The following DNAH7 variants were observed in gnomAD, a reference collection of about 807,000 sequenced individuals.
The protein encoded by DNAH7 is dynein axonemal heavy chain 7, also known as axonemal beta dynein heavy chain 7.
In DNAH7, 397 loss-of-function variants were observed where a neutral mutation model predicts 444.6. The ratio of observed to expected loss-of-function variants is 0.89; its 90% CI spans 0.82 to 0.97. DNAH7 has a LOEUF of 0.97. Ranked by LOEUF, DNAH7 falls within the 50% of genes least tolerant of loss-of-function variation. The probability of loss-of-function intolerance (pLI) is 0.00; values close to 1 mark genes in which losing one functional copy is unlikely to be tolerated. For synonymous variants in DNAH7, 1,636 were observed against 1,624.4 expected (o/e 1.01, Z -0.17); for missense variants, 4,902 against 4,800.8 (o/e 1.02, Z -0.62).
At chr2:195,844,860 T>G (rs759572985) in intron 47 of DNAH7, 142 bp downstream of exon 47, 3 of 642,374 alleles carry the variant, frequency 4.7e-6, no homozygotes, top group Non-Finnish European at 7.8e-6. Context: ...GAGAAGGAAG[T>G]GATTACTCAT....
chr2:195,926,644 T>A, intron 21 of DNAH7, 78 bp from the exon 22 acceptor site: 1 of 1,253,686 alleles, frequency 8.0e-7, no homozygotes, highest in Non-Finnish European at 1.1e-6. Flanking sequence ...TAAACTAGAT[T>A]AATTCATACT....
intron 10 of DNAH7, among the ~76,000 whole-genome samples, chr2:196,007,792 C>T (rs1694473778): frequency 6.6e-6 from 1 of 152,118 alleles, no homozygotes; most frequent in Non-Finnish European, 1.5e-5. Context: ...TGAGGCCTCC[C>T]CAGCCATGTG....
At chr2:196,052,983 C>T (rs1307062044) in intron 2 of DNAH7, among the ~76,000 whole-genome samples, 1 of 152,210 alleles carries the variant, frequency 6.6e-6, no homozygotes, top group Non-Finnish European at 1.5e-5. Context: ...ATACCTAGTC[C>T]ATAGTCGTGG....
chr2:195,856,611 G>A (rs947278568), intron 44 of DNAH7, among the ~76,000 whole-genome samples: 6 of 152,136 alleles, frequency 3.9e-5, no homozygotes, highest in African/African-American at 7.2e-5. Context: ...TCCTATGACA[G>A]TTGTTTTTTG....
rs891423606 is a variant in DNAH7 at position 195,900,605 on chromosome 2, C to T, written c.4336-111G>A. The T allele has an allele frequency of 3.0e-6, 3 of 1,006,030 alleles. No individual in the cohort carries two copies. In the African/African-American group the frequency reaches 4.8e-5, roughly 16 times the overall value. 62.3% of individuals were successfully genotyped at this position (1,006,030 alleles called of 1,614,324 possible). A position where few individuals can be genotyped will look rare whatever the true frequency, so the allele number is the denominator to read the frequency against. ...ATATGTGGAGGCTAAAAAAGTTTAT[C>T]TCATAGAAGTAGAGAGTAAAATAGT... On this transcript the variant is annotated intron_variant, in intron 27 of 64. Transcript: ENST00000312428.
intron 8 of DNAH7, among the ~76,000 whole-genome samples, chr2:196,022,558 G>C (rs1042417642): frequency 6.6e-6 from 1 of 152,208 alleles, no homozygotes; most frequent in East Asian, 1.9e-4. Flanking sequence ...CTCCTCATCT[G>C]TTCAAGTTTT....
intron 12 of DNAH7, chr2:195,998,877 A>T (rs1336777341): frequency 8.6e-6 from 4 of 467,552 alleles, no homozygotes; most frequent in Non-Finnish European, 1.5e-5. Context: ...TATAACGTAT[A>T]GCTAAGGAAA....
At chr2:196,033,139 G>A (rs1319931664) in intron 5 of DNAH7, among the ~76,000 whole-genome samples, 1 of 151,884 alleles carries the variant, frequency 6.6e-6, no homozygotes, top group African/African-American at 2.4e-5. Flanking sequence ...TTGAGCCCAC[G>A]TTGTGTTATT....
intron 10 of DNAH7, among the ~76,000 whole-genome samples, chr2:196,004,578 C>T (rs1211539076): frequency 6.6e-6 from 1 of 152,052 alleles, no homozygotes; most frequent in Non-Finnish European, 1.5e-5. Flanking sequence ...AACGAAAACA[C>T]CACATAGCAT....
intron 17 of DNAH7, among the ~76,000 whole-genome samples, chr2:195,966,624 GC>G (rs1691495985): frequency 6.6e-6 from 1 of 152,026 alleles, no homozygotes; most frequent in Non-Finnish European, 1.5e-5. Flanking sequence ...ATATATCTGG[GC>G]ACTCCAGTGT....
intron 58 of DNAH7, 117 bp from the exon 59 acceptor site, chr2:195,778,102 T>C: frequency 2.1e-6 from 2 of 936,242 alleles, no homozygotes; most frequent in Non-Finnish European, 2.9e-6. Context: ...TTAACACAAC[T>C]TCCCTTCGTA....
intron 21 of DNAH7, among the ~76,000 whole-genome samples, chr2:195,932,880 C>G (rs979056113): frequency 1.1e-4 from 16 of 152,038 alleles, no homozygotes; most frequent in African/African-American, 3.9e-4. Flanking sequence ...CTAAAATTCT[C>G]TTTTTTTGCT....
At position 195,857,301 on chromosome 2, in the gene DNAH7, T is replaced by C. The variant is rs909404983; in HGVS notation, c.8414+76A>G. On this transcript the variant is annotated intron_variant, in intron 44 of 64. Coordinates refer to ENST00000312428, the MANE Select transcript of DNAH7 (RefSeq NM_018897.3). Reference sequence around the variant, plus strand: ...AAGGAGCCTCTCACTTACATAACTTTTAAATTGTATATTTTCTAACTGACC... The same window carrying C: ...AAGGAGCCTCTCACTTACATAACTTCTAAATTGTATATTTTCTAACTGACC... 7 of 1,313,296 alleles carry C rather than the reference T, an allele frequency of 5.3e-6. No homozygotes were observed. In the African/African-American group the frequency reaches 8.9e-5, roughly 17 times the overall value. 81.4% of individuals were successfully genotyped at this position (1,313,296 alleles called of 1,614,324 possible). A position where few individuals can be genotyped will look rare whatever the true frequency, so the allele number is the denominator to read the frequency against.
chr2:195,955,215 A>G (rs1319030440), intron 19 of DNAH7, among the ~76,000 whole-genome samples: 2 of 152,190 alleles, frequency 1.3e-5, no homozygotes, highest in East Asian at 1.9e-4. Flanking sequence ...GGTGTAAGGA[A>G]GGGATCCAGT....
chr2:195,903,327 C>T (rs1329981010), intron 27 of DNAH7: 1 of 152,040 alleles, frequency 6.6e-6, no homozygotes, highest in African/African-American at 2.4e-5. Context: ...TGTTCAGGAA[C>T]AAGCTGGATT....
At chr2:195,903,674 CAGTA>C (rs1475484365) in intron 27 of DNAH7, 1 of 152,080 alleles carries the variant, frequency 6.6e-6, no homozygotes, top group African/African-American at 2.4e-5. Flanking sequence ...TCAGTTACTA[CAGTA>C]AGTATGATCT....
chr2:195,807,799 ATTTTAAAT>A (rs1403094369), intron 53 of DNAH7, among the ~76,000 whole-genome samples: 7 of 152,202 alleles, frequency 4.6e-5, no homozygotes, highest in Non-Finnish European at 8.8e-5. Flanking sequence ...TAAAATTTTA[ATTTTAAAT>A]TAGTTGAGGT....
At chr2:195,893,400 A>C (rs939779498) in intron 30 of DNAH7, 2 of 152,090 alleles carry the variant, frequency 1.3e-5, no homozygotes, top group African/African-American at 4.8e-5. Flanking sequence ...ACGCCTGGTT[A>C]ATTTTTGTAT....
intron 19 of DNAH7, among the ~76,000 whole-genome samples, chr2:195,952,876 C>A (rs1690361492): frequency 6.6e-6 from 1 of 152,134 alleles, no homozygotes; most frequent in African/African-American, 2.4e-5. Context: ...TGGGTTAGAA[C>A]ATGCTCCTTT....
Sources: allele counts gnomAD v4.1 joint callset (sites outside exome capture counted in the v4.1 genomes callset), GRCh38; gene constraint gnomAD v4.1.1; transcripts MANE v1.5; gene names NCBI Gene and HGNC (gene_info 2026-07-23, HGNC 2026-07-21).